The following DGKI variants were observed in gnomAD, a reference collection of about 807,000 sequenced individuals.
DGKI encodes the protein DAG kinase iota.
DGKI carries 55 observed loss-of-function variants against 147.5 expected under a neutral mutation model. That is an observed-to-expected ratio of 0.37 (90% CI 0.30 to 0.47). The LOEUF (loss-of-function observed/expected upper bound fraction) is 0.47. Ranked by LOEUF, DGKI falls within the 20% of genes least tolerant of loss-of-function variation. The pLI, the probability that DGKI is intolerant of heterozygous loss-of-function variation, is 1.00. For missense variants in DGKI, 1,007 were observed against 1,323.8 expected (o/e 0.76, Z 3.71); for synonymous variants, 469 against 477.1 (o/e 0.98, Z 0.22).
chr7:137,696,421 G>A (rs1823783668), intron 1 of DGKI, among the ~76,000 whole-genome samples: 1 of 120,508 alleles, frequency 8.3e-6, no homozygotes, highest in Admixed American at 8.9e-5. Flanking sequence ...TAAATGCAAT[G>A]CCCAAAAGAC....
chr7:137,573,290 G>A (rs535457596), intron 17 of DGKI, among the ~76,000 whole-genome samples: 10 of 152,100 alleles, frequency 6.6e-5, no homozygotes, highest in South Asian at 6.2e-4. Flanking sequence ...TATTTTCTTC[G>A]TTTTTTGAGA....
At chr7:137,569,485 T>C (rs1818709657) in intron 19 of DGKI, among the ~76,000 whole-genome samples, 1 of 151,650 alleles carries the variant, frequency 6.6e-6, no homozygotes, top group Non-Finnish European at 1.5e-5. Context: ...TCCCAGCACT[T>C]TGGGAGGCTG....
chr7:137,447,092 T>C (rs1813747368), intron 27 of DGKI, among the ~76,000 whole-genome samples: 1 of 152,250 alleles, frequency 6.6e-6, no homozygotes, highest in Non-Finnish European at 1.5e-5. Flanking sequence ...TGTTTGTGCT[T>C]TGTTTTTATT....
intron 1 of DGKI, among the ~76,000 whole-genome samples, chr7:137,766,014 G>C (rs1390724567): frequency 6.6e-6 from 1 of 152,218 alleles, no homozygotes; most frequent in Non-Finnish European, 1.5e-5. Flanking sequence ...TACCTGAACA[G>C]GAGATTTCCT....
At chr7:137,635,795 A>C (rs1821288563) in intron 6 of DGKI, among the ~76,000 whole-genome samples, 1 of 152,220 alleles carries the variant, frequency 6.6e-6, no homozygotes, top group African/African-American at 2.4e-5. Flanking sequence ...ATGACAAAAT[A>C]CAGAAATACA....
chr7:137,739,489 A>T (rs1018497519), intron 1 of DGKI, among the ~76,000 whole-genome samples: 2 of 152,156 alleles, frequency 1.3e-5, no homozygotes, highest in East Asian at 1.9e-4. Flanking sequence ...AGGAAAAATA[A>T]CGACTAGACC....
At position 137,573,554 on chromosome 7, in the gene DGKI, G is replaced by A. The variant is rs562436973; in HGVS notation, c.1762-716C>T. 8.5e-5 allele frequency among the ~76,000 whole-genome samples: 13 copies of A among 152,182 alleles called. No individual in the cohort carries two copies. In the East Asian group the frequency reaches 1.7e-3, roughly 20 times the overall value. The stretch of plus-strand genomic sequence containing the variant: ...CAAGTAGCTGGGATTACAGGTGCCC[G>A]CCACCACGCCCAGCTAATTTTTGTA... On this transcript the variant is annotated intron_variant, in intron 17 of 32. Transcript: ENST00000614521.
At chr7:137,613,260 T>C (rs1820426856) in intron 8 of DGKI, among the ~76,000 whole-genome samples, 1 of 152,216 alleles carries the variant, frequency 6.6e-6, no homozygotes, top group African/African-American at 2.4e-5. Context: ...AAAACTCTGG[T>C]AGACAGTAGG....
chr7:137,489,632 G>T (rs1815690055), intron 21 of DGKI, among the ~76,000 whole-genome samples: 2 of 152,036 alleles, frequency 1.3e-5, no homozygotes, highest in Non-Finnish European at 2.9e-5. Flanking sequence ...TTTGAGGAAT[G>T]ATGAGGAAAA....
chr7:137,834,870 T>C (rs1367646222), intron 1 of DGKI, among the ~76,000 whole-genome samples: 2 of 152,220 alleles, frequency 1.3e-5, no homozygotes, highest in Admixed American at 1.3e-4. Context: ...TTAATAGTGA[T>C]AGTGCAATCA....
intron 1 of DGKI, among the ~76,000 whole-genome samples, chr7:137,751,115 G>A (rs925594649): frequency 1.3e-5 from 2 of 152,094 alleles, no homozygotes; most frequent in Non-Finnish European, 2.9e-5. Context: ...TTATAACTTT[G>A]GGCTTCATGT....
chr7:137,414,563 A>G (rs1317773911), intron 28 of DGKI, among the ~76,000 whole-genome samples: 2 of 152,118 alleles, frequency 1.3e-5, no homozygotes, highest in South Asian at 2.1e-4. Flanking sequence ...CCCTATGAAA[A>G]CACAGGGTCT....
chr7:137,435,376 C>T (rs1450882356), intron 28 of DGKI, among the ~76,000 whole-genome samples: 1 of 152,020 alleles, frequency 6.6e-6, no homozygotes, highest in Non-Finnish European at 1.5e-5. Context: ...GAGGTGGTTC[C>T]AAGACACGGA....
intron 1 of DGKI, among the ~76,000 whole-genome samples, chr7:137,746,322 G>A (rs1453911188): frequency 6.6e-6 from 1 of 152,150 alleles, no homozygotes; most frequent in East Asian, 1.9e-4. Context: ...TCAACTGCTG[G>A]AAGAAAAGTC....
intron 11 of DGKI, among the ~76,000 whole-genome samples, chr7:137,598,310 C>T (rs146054271): frequency 6.6e-6 from 1 of 152,094 alleles, no homozygotes; most frequent in South Asian, 2.1e-4. Flanking sequence ...CTTATATATC[C>T]CCTCTTTATA....
chr7:137,744,334 C>T (rs1267236018), intron 1 of DGKI, among the ~76,000 whole-genome samples: 1 of 151,958 alleles, frequency 6.6e-6, no homozygotes, highest in Non-Finnish European at 1.5e-5. Flanking sequence ...AAGATTGAAC[C>T]AGGCAGAAGC....
chr7:137,425,142 C>T (rs1036299960), intron 28 of DGKI, among the ~76,000 whole-genome samples: 1 of 152,240 alleles, frequency 6.6e-6, no homozygotes, highest in Non-Finnish European at 1.5e-5. Context: ...AGCTGGGAGG[C>T]ACCCCCCAGT....
chr7:137,597,971 G>A (rs1819856328), intron 11 of DGKI, 64 bp from the exon 12 acceptor site: 3 of 1,482,574 alleles, frequency 2.0e-6, no homozygotes, highest in Admixed American at 1.8e-5. Context: ...CAGAGAGAAA[G>A]CAGAGGACAA....
At chr7:137,709,905 T>C (rs1452182021) in intron 1 of DGKI, among the ~76,000 whole-genome samples, 4 of 151,290 alleles carry the variant, frequency 2.6e-5, no homozygotes, top group Non-Finnish European at 5.9e-5. Context: ...AAAAATAAAT[T>C]TTAATAAGGA....
Sources: allele counts gnomAD v4.1 joint callset (sites outside exome capture counted in the v4.1 genomes callset), GRCh38; gene constraint gnomAD v4.1.1; transcripts MANE v1.5; gene names NCBI Gene and HGNC (gene_info 2026-07-23, HGNC 2026-07-21).